The following TMEM132D variants were observed in gnomAD, a reference collection of about 807,000 sequenced individuals.
The protein encoded by TMEM132D is transmembrane protein 132D.
TMEM132D carries 21 observed loss-of-function variants against 62.3 expected under a neutral mutation model. The ratio of observed to expected loss-of-function variants is 0.34; its 90% CI spans 0.24 to 0.49. TMEM132D has a LOEUF of 0.49. TMEM132D is among the 20% of genes least tolerant of loss of function. TMEM132D has a pLI of 0.99. For synonymous variants in TMEM132D, 621 were observed against 575.6 expected, an observed-to-expected ratio of 1.08 and a Z score of -1.13; for missense variants, 1,346 against 1,402.8, an observed-to-expected ratio of 0.96 and a Z score of 0.65.
intron 1 of TMEM132D, among the ~76,000 whole-genome samples, chr12:129,754,646 AT>A (rs1870107433): frequency 6.6e-6 from 1 of 152,148 alleles, no homozygotes; most frequent in Non-Finnish European, 1.5e-5. Flanking sequence ...ATTTAGACTC[AT>A]TTACAGAGAA....
chr12:129,758,566 T>C lies in TMEM132D; in HGVS notation c.80-57868A>G, dbSNP rs115879348. Among the ~76,000 whole-genome samples, 799 of 152,336 alleles carry C rather than the reference T, an allele frequency of 5.2e-3. 8 individuals carry two copies. Among genetic ancestry groups the C allele is most frequent in the African/African-American group, 0.018 (764 of 41,572 alleles). On this transcript the variant is annotated intron_variant, in intron 1 of 8. Transcript: ENST00000422113. ...AAGAGTATTCCAAAGTGCCTGGTAA[T>C]ATATGCTCCTAGTATACACTTCTTG...
chr12:129,143,918 C>T (rs1159159414), intron 5 of TMEM132D, among the ~76,000 whole-genome samples: 1 of 149,174 alleles, frequency 6.7e-6, no homozygotes, highest in Non-Finnish European at 1.5e-5. Flanking sequence ...TAGAGGACCA[C>T]AATGACCCTG....
intron 2 of TMEM132D, among the ~76,000 whole-genome samples, chr12:129,565,557 C>T (rs1422665121): frequency 6.6e-6 from 1 of 152,188 alleles, no homozygotes; most frequent in South Asian, 2.1e-4. Flanking sequence ...TTCAGGCTAA[C>T]TTTAGAAAGC....
chr12:129,567,113 T>C (rs1877388173), intron 2 of TMEM132D, among the ~76,000 whole-genome samples: 1 of 152,208 alleles, frequency 6.6e-6, no homozygotes, highest in African/African-American at 2.4e-5. Flanking sequence ...TCCTCATATC[T>C]AGCTCAGAAT....
chr12:129,275,963 G>A (rs1880994542), intron 4 of TMEM132D, among the ~76,000 whole-genome samples: 1 of 152,206 alleles, frequency 6.6e-6, no homozygotes, highest in Admixed American at 6.5e-5. Context: ...CCATGCTGCA[G>A]TCCAGGCGTG....
chr12:129,819,646 G>T (rs1872488555), intron 1 of TMEM132D, among the ~76,000 whole-genome samples: 1 of 152,148 alleles, frequency 6.6e-6, no homozygotes, highest in African/African-American at 2.4e-5. Flanking sequence ...GATGAAATTA[G>T]CCCTCATCGC....
chr12:129,120,624 A>C (rs1397978760), intron 5 of TMEM132D, among the ~76,000 whole-genome samples: 4 of 152,216 alleles, frequency 2.6e-5, no homozygotes, highest in Non-Finnish European at 5.9e-5. Context: ...ATCCTCAAAC[A>C]AAAAAGGATA....
chr12:129,325,393 G>A (rs924829041), intron 4 of TMEM132D, among the ~76,000 whole-genome samples: 2 of 152,166 alleles, frequency 1.3e-5, no homozygotes, highest in African/African-American at 2.4e-5. Context: ...GATTTTGTGC[G>A]CCATGATCTG....
At chr12:129,321,370 A>C (rs1012424765) in intron 4 of TMEM132D, among the ~76,000 whole-genome samples, 17 of 152,230 alleles carry the variant, frequency 1.1e-4, no homozygotes, top group African/African-American at 4.1e-4. Context: ...TCCCAAAGTT[A>C]CTGTGATCAG....
At chr12:129,742,070 G>T (rs907657509) in intron 1 of TMEM132D, among the ~76,000 whole-genome samples, 6 of 152,160 alleles carry the variant, frequency 3.9e-5, no homozygotes, top group African/African-American at 1.4e-4. Context: ...TTGTTGGTGT[G>T]CTCTCCTCAC....
chr12:129,798,867 A>G (rs573061288), intron 1 of TMEM132D, among the ~76,000 whole-genome samples: 1 of 152,358 alleles, frequency 6.6e-6, no homozygotes, highest in African/African-American at 2.4e-5. Flanking sequence ...CTGACATCTG[A>G]AGGCCAAATC....
chr12:129,250,204 C>G (rs1880228522), intron 4 of TMEM132D, among the ~76,000 whole-genome samples: 1 of 152,168 alleles, frequency 6.6e-6, no homozygotes, highest in Non-Finnish European at 1.5e-5. Flanking sequence ...CCTCCTCTGG[C>G]TCTTCTCAAT....
chr12:129,801,881 C>T (rs1454451281), intron 1 of TMEM132D, among the ~76,000 whole-genome samples: 19 of 151,118 alleles, frequency 1.3e-4, no homozygotes, highest in African/African-American at 4.2e-4. Flanking sequence ...TCGAGAACTA[C>T]GTGAAGAATG....
intron 4 of TMEM132D, among the ~76,000 whole-genome samples, chr12:129,302,550 CTGGAGTCTG>C (rs1247399599): frequency 6.6e-6 from 1 of 152,250 alleles, no homozygotes; most frequent in Non-Finnish European, 1.5e-5. Flanking sequence ...GTACTGCAGG[CTGGAGTCTG>C]TGGGTCAGCT....
intron 1 of TMEM132D, among the ~76,000 whole-genome samples, chr12:129,733,921 T>G (rs145465401): frequency 1.9e-3 from 288 of 152,296 alleles, no homozygotes; most frequent in African/African-American, 6.6e-3. Flanking sequence ...TTGTGAGATT[T>G]AGCTTGAATT....
chr12:129,816,800 G>A (rs1872358572), intron 1 of TMEM132D, among the ~76,000 whole-genome samples: 1 of 152,178 alleles, frequency 6.6e-6, no homozygotes, highest in Non-Finnish European at 1.5e-5. Flanking sequence ...TTTGATTACA[G>A]CATTTGCTAA....
intron 1 of TMEM132D, among the ~76,000 whole-genome samples, chr12:129,701,095 C>T (rs539601208): frequency 2.0e-5 from 3 of 152,194 alleles, no homozygotes; most frequent in Non-Finnish European, 2.9e-5. Context: ...AGAGAGGCAC[C>T]GTCCCATTGA....
chr12:129,136,373 T>G (rs1876556918), intron 5 of TMEM132D, among the ~76,000 whole-genome samples: 1 of 152,160 alleles, frequency 6.6e-6, no homozygotes, highest in African/African-American at 2.4e-5. Context: ...CTGGGGCTGT[T>G]CCTCAGTCTT....
At chr12:129,545,940 T>C (rs149722763) in intron 2 of TMEM132D, among the ~76,000 whole-genome samples, 1 of 152,126 alleles carries the variant, frequency 6.6e-6, no homozygotes, top group Non-Finnish European at 1.5e-5. Flanking sequence ...ATGGTCTACA[T>C]GGGAATCATA....
Sources: gnomAD v4.1 joint callset for allele counts (sites outside exome capture counted in the v4.1 genomes callset) on GRCh38, gnomAD v4.1.1 for gene constraint, MANE v1.5 for transcripts, NCBI Gene and HGNC (gene_info 2026-07-23, HGNC 2026-07-21) for gene names.